DHRS7B: variants seen among roughly 807,000 people sequenced by gnomAD.
DHRS7B encodes peroxisomal reductase activating PPAR-gamma.
Under a neutral mutation model 26.4 loss-of-function variants are expected in DHRS7B, and 24 were observed. The ratio of observed to expected loss-of-function variants is 0.91; its 90% confidence interval spans 0.66 to 1.28. DHRS7B has a LOEUF of 1.28. Among genes scored for constraint, DHRS7B ranks in the 50% most tolerant of loss-of-function variants. The probability of loss-of-function intolerance (pLI) is 0.00; values close to 1 mark genes in which losing one functional copy is unlikely to be tolerated. For synonymous variants in DHRS7B, 142 were observed against 166.4 expected, an observed-to-expected ratio of 0.85 and a Z score of 1.13; for missense variants, 368 against 419.4, an observed-to-expected ratio of 0.88 and a Z score of 1.07.
rs1478545992 is a variant in DHRS7B, at chr17:21,172,180, C to A, written c.183C>A (p.Thr61=). ...RNAVVVITGA[T]SGLGKECAKV... Reference sequence around the variant, plus strand: ...CTGTGGTGGTGATCACAGGCGCCACCTCAGGGCTGGGCAAAGGTGGGTCCT... The same window carrying A: ...CTGTGGTGGTGATCACAGGCGCCACATCAGGGCTGGGCAAAGGTGGGTCCT... The change falls in exon 2 of 7, where the codon ACC becomes ACA. Residue 61 remains threonine (T), a synonymous_variant. Coordinates refer to ENST00000395511, the MANE Select transcript of DHRS7B (RefSeq NM_015510.5). 6.2e-7 allele frequency: 1 copy of A among 1,612,654 alleles called. No homozygotes were observed. The highest frequency in any genetic ancestry group is 8.5e-7 in the Non-Finnish European group (1 of 1,179,474).
chr17:21,132,346 A>T (rs141287160), intron 1 of DHRS7B, among the ~76,000 whole-genome samples: 12,395 of 136,624 alleles, frequency 0.091, 643 homozygotes, highest in Middle Eastern at 0.13. Context: ...TAAAAAAAAA[A>T]AAATATATAT....
chr17:21,187,623 G>A (rs1267177227), intron 5 of DHRS7B, among the ~76,000 whole-genome samples: 2 of 117,766 alleles, frequency 1.7e-5, no homozygotes, highest in East Asian at 4.8e-4. Flanking sequence ...GGCAGAGCGA[G>A]ACTCTGTCTC....
chr17:21,145,325 A>G (rs1244722079), intron 1 of DHRS7B, among the ~76,000 whole-genome samples: 1 of 151,986 alleles, frequency 6.6e-6, no homozygotes, highest in African/African-American at 2.4e-5. Flanking sequence ...CGCCGTCTAA[A>G]AAAAAAAAAG....
At chr17:21,176,601 T>TA (rs1005172003) in intron 2 of DHRS7B, among the ~76,000 whole-genome samples, 42 of 151,684 alleles carry the variant, frequency 2.8e-4, no homozygotes, top group African/African-American at 8.2e-4. Flanking sequence ...ACCCTGTCTC[T>TA]AAAAAAAATA....
rs1386086012 is a variant in DHRS7B at position 21,171,953 on chromosome 17, A to G, written c.21-65A>G. The stretch of plus-strand genomic sequence containing the variant: ...GGGATTCATATCAGATGAGAGGAAG[A>G]GCCTAGGAAAGTCCCCTGAACTCTG... On this transcript the variant is annotated intron_variant, in intron 1 of 6. Transcript: ENST00000395511. The G allele has an allele frequency of 1.9e-6, 3 of 1,588,456 alleles. No individual in the cohort carries two copies. The East Asian group carries it at 6.7e-5, about 36-fold the overall frequency.
intron 1 of DHRS7B, among the ~76,000 whole-genome samples, chr17:21,154,291 C>T (rs997518377): frequency 6.7e-6 from 1 of 149,960 alleles, no homozygotes; most frequent in African/African-American, 2.5e-5. Flanking sequence ...GCCTGGGAGA[C>T]AAGAGCCAAG....
intron 2 of DHRS7B, among the ~76,000 whole-genome samples, chr17:21,175,104 G>T (rs1213815194): frequency 6.6e-6 from 1 of 152,204 alleles, no homozygotes; most frequent in Non-Finnish European, 1.5e-5. Context: ...AGACTGTCGG[G>T]TGTATGGAGA....
At chr17:21,190,075 A>T (rs1974741632) in intron 6 of DHRS7B, among the ~76,000 whole-genome samples, 1 of 152,020 alleles carries the variant, frequency 6.6e-6, no homozygotes, top group Non-Finnish European at 1.5e-5. Context: ...CTGAGGCAGG[A>T]GGATTGCTTG....
At chr17:21,164,046 T>TTTTTTTTTTTTTTTTTA (rs1974057627) in intron 1 of DHRS7B, among the ~76,000 whole-genome samples, 3 of 147,644 alleles carry the variant, frequency 2.0e-5, no homozygotes, top group Non-Finnish European at 3.0e-5. Context: ...TTTTTTTTTT[T>TTTTTTTTTTTTTTTTTA]GAGACAGGGT....
chr17:21,165,342 T>A (rs1974088426), intron 1 of DHRS7B, among the ~76,000 whole-genome samples: 1 of 151,164 alleles, frequency 6.6e-6, no homozygotes, highest in Non-Finnish European at 1.5e-5. Context: ...CTATATTCAC[T>A]TTTTTTTTCT....
At position 21,163,203 on chromosome 17, in the gene DHRS7B, A is replaced by C. The variant is rs559245248; in HGVS notation, c.21-8815A>C. On this transcript the variant is annotated intron_variant, in intron 1 of 6. Coordinates refer to ENST00000395511, the MANE Select transcript of DHRS7B (RefSeq NM_015510.5). ...AGAGCAAGACTGTCTCAAAAAAAAA[A>C]CCAAAAAAAACCAAAAAACAAAAAA... 3.7e-4 allele frequency among the ~76,000 whole-genome samples: 56 copies of C among 151,524 alleles called. 1 individual carries two copies. Among genetic ancestry groups the C allele is most frequent in the East Asian group, 3.7e-3 (19 of 5,146 alleles).
At chr17:21,174,238 T>G (rs1974323977) in intron 2 of DHRS7B, among the ~76,000 whole-genome samples, 2 of 152,262 alleles carry the variant, frequency 1.3e-5, no homozygotes, top group African/African-American at 4.8e-5. Context: ...CCGGAAGGTT[T>G]GGAGTTATGC....
chr17:21,160,439 G>T (rs1973976708), intron 1 of DHRS7B, among the ~76,000 whole-genome samples: 1 of 152,008 alleles, frequency 6.6e-6, no homozygotes, highest in Non-Finnish European at 1.5e-5. Flanking sequence ...CCTGAGTGAA[G>T]AAAATATACA....
At chr17:21,175,524 C>G (rs1974356600) in intron 2 of DHRS7B, among the ~76,000 whole-genome samples, 1 of 152,216 alleles carries the variant, frequency 6.6e-6, no homozygotes, top group South Asian at 2.1e-4. Flanking sequence ...GGTCTGGAAC[C>G]AAGTCAGTGG....
At chr17:21,131,722 C>G (rs567953042) in intron 1 of DHRS7B, among the ~76,000 whole-genome samples, 2 of 152,298 alleles carry the variant, frequency 1.3e-5, no homozygotes, top group Admixed American at 1.3e-4. Context: ...TTGAATATTG[C>G]TTACCAGTGG....
chr17:21,163,189 GTC>G (rs1024731144), intron 1 of DHRS7B, among the ~76,000 whole-genome samples: 3 of 127,976 alleles, frequency 2.3e-5, no homozygotes, highest in African/African-American at 8.2e-5. Context: ...GAGCAAGACT[GTC>G]TCAAAAAAAA....
intron 1 of DHRS7B, among the ~76,000 whole-genome samples, chr17:21,144,813 A>G (rs1973605733): frequency 6.6e-6 from 1 of 151,730 alleles, no homozygotes; most frequent in Non-Finnish European, 1.5e-5. Context: ...GTGAGACTCT[A>G]TCTCAAAAAA....
chr17:21,140,059 C>G (rs1973459536), intron 1 of DHRS7B, among the ~76,000 whole-genome samples: 1 of 122,414 alleles, frequency 8.2e-6, no homozygotes, highest in African/African-American at 3.1e-5. Context: ...GAGTCTCACT[C>G]TGTCGCCCAG....
At chr17:21,190,176 A>G (rs986370483) in intron 6 of DHRS7B, among the ~76,000 whole-genome samples, 2 of 152,108 alleles carry the variant, frequency 1.3e-5, no homozygotes, top group African/African-American at 4.8e-5. Context: ...TAAAAAAAAA[A>G]AAAAAGTGGT....
Sources: gnomAD v4.1 joint callset for allele counts (sites outside exome capture counted in the v4.1 genomes callset) on GRCh38, gnomAD v4.1.1 for gene constraint, MANE v1.5 for transcripts, NCBI Gene and HGNC (gene_info 2026-07-23, HGNC 2026-07-21) for gene names.